Variants in TRHDE observed in about 807,000 individuals in gnomAD.
TRHDE encodes thyrotropin releasing hormone degrading enzyme.
Under a neutral mutation model 125.7 loss-of-function variants are expected in TRHDE, and 72 were observed. The ratio of observed to expected loss-of-function variants is 0.57; its 90% confidence interval spans 0.47 to 0.70. The LOEUF (loss-of-function observed/expected upper bound fraction) is 0.70. Among genes scored for constraint, TRHDE ranks in the 30% least tolerant of loss-of-function variants. The pLI is 0.00. For synonymous variants in TRHDE, 509 were observed against 509.1 expected (o/e 1.00, Z 0.00); for missense variants, 1,110 against 1,327.1 (o/e 0.84, Z 2.54).
intron 1 of TRHDE, among the ~76,000 whole-genome samples, chr12:72,102,343 A>G (rs1212049180): frequency 6.6e-6 from 1 of 152,178 alleles, no homozygotes; most frequent in Non-Finnish European, 1.5e-5. Context: ...GTTCAGTCAT[A>G]CAAAGACTCT....
chr12:72,523,771 A>T (rs1025367298), intron 6 of TRHDE, among the ~76,000 whole-genome samples: 1 of 152,144 alleles, frequency 6.6e-6, no homozygotes, highest in African/African-American at 2.4e-5. Flanking sequence ...TCTTGACATA[A>T]AAACTTGGGC....
Position 72,663,047 on chromosome 12 carries a change from T to C in TRHDE, c.3067-5T>C. On this transcript the variant is annotated splice_region_variant and splice_polypyrimidine_tract_variant and intron_variant, in intron 18 of 18. Transcript: ENST00000261180. ...GATTTACCATTTAAAAATTTCTCTT[T>C]CCAGCTCAAGAACTTCATGAAAAAC... 1 of 1,602,902 alleles carries C rather than the reference T, an allele frequency of 6.2e-7. No homozygotes were observed. Among genetic ancestry groups the C allele is most frequent in the Non-Finnish European group, 8.5e-7 (1 of 1,175,400 alleles).
intron 2 of TRHDE, among the ~76,000 whole-genome samples, chr12:72,363,695 C>T (rs1871220294): frequency 6.6e-6 from 1 of 152,060 alleles, no homozygotes; most frequent in Admixed American, 6.6e-5. Context: ...GAAGCATTCC[C>T]TTTGAAAAGT....
chr12:72,457,487 C>T (rs1028546899), intron 3 of TRHDE, among the ~76,000 whole-genome samples: 5 of 151,820 alleles, frequency 3.3e-5, no homozygotes, highest in Non-Finnish European at 7.4e-5. Context: ...GTTTAGATGC[C>T]AGTTAATATT....
At chr12:72,429,635 C>T (rs1373899287) in intron 3 of TRHDE, among the ~76,000 whole-genome samples, 1 of 152,002 alleles carries the variant, frequency 6.6e-6, no homozygotes, top group Non-Finnish European at 1.5e-5. Context: ...GACCATTCTA[C>T]ATTCCAGCCA....
intron 14 of TRHDE, chr12:72,621,418 T>A: frequency 1.7e-6 from 1 of 579,406 alleles, no homozygotes; most frequent in Non-Finnish European, 3.0e-6. Context: ...TAATTTAAGA[T>A]CTACCTTTAT....
At chr12:72,221,539 G>A (rs886750876) in intron 2 of TRHDE, among the ~76,000 whole-genome samples, 3 of 152,024 alleles carry the variant, frequency 2.0e-5, no homozygotes, top group Non-Finnish European at 4.4e-5. Flanking sequence ...TTAAAATGTA[G>A]TATACAGCTA....
intron 3 of TRHDE, among the ~76,000 whole-genome samples, chr12:72,388,066 A>T (rs532402935): frequency 6.9e-6 from 1 of 143,924 alleles, no homozygotes; most frequent in Non-Finnish European, 1.5e-5. Context: ...TTTCCCTCCT[A>T]CTCCTCTCTG....
chr12:72,246,895 C>T (rs1878585311), intron 2 of TRHDE, among the ~76,000 whole-genome samples: 1 of 152,182 alleles, frequency 6.6e-6, no homozygotes, highest in South Asian at 2.1e-4. Context: ...AGTTCTTTTA[C>T]TCTCTGACAC....
intron 3 of TRHDE, among the ~76,000 whole-genome samples, chr12:72,424,630 A>G (rs1185999815): frequency 6.6e-6 from 1 of 152,148 alleles, no homozygotes; most frequent in Non-Finnish European, 1.5e-5. Context: ...ATGCTGTCTC[A>G]TCTCTGAAGT....
intron 3 of TRHDE, among the ~76,000 whole-genome samples, chr12:72,413,815 A>C (rs974784091): frequency 6.6e-6 from 1 of 152,088 alleles, no homozygotes; most frequent in African/African-American, 2.4e-5. Context: ...GCCTTGCTGT[A>C]GTACAAATTT....
intron 3 of TRHDE, among the ~76,000 whole-genome samples, chr12:72,423,815 G>C (rs1457942643): frequency 6.6e-6 from 1 of 152,056 alleles, no homozygotes; most frequent in African/African-American, 2.4e-5. Flanking sequence ...GGAAGCAGAA[G>C]AGGAATCAGA....
chr12:72,466,062 T>C (rs1302002944), intron 3 of TRHDE, among the ~76,000 whole-genome samples: 1 of 152,172 alleles, frequency 6.6e-6, no homozygotes. Flanking sequence ...GGCCTGACTT[T>C]TGTGACCTCA....
chr12:72,156,344 G>A (rs530937986), intron 2 of TRHDE, among the ~76,000 whole-genome samples: 21 of 152,290 alleles, frequency 1.4e-4, no homozygotes, highest in Admixed American at 7.8e-4. Flanking sequence ...TGCGCTTCCC[G>A]GATGAGGTGA....
At chr12:72,335,428 TG>T (rs1471636527) in intron 2 of TRHDE, among the ~76,000 whole-genome samples, 2 of 152,188 alleles carry the variant, frequency 1.3e-5, no homozygotes, top group Non-Finnish European at 2.9e-5. Flanking sequence ...TTTTCTGTGG[TG>T]GGCCAGAAAG....
chr12:72,324,985 G>A (rs532153555), intron 2 of TRHDE, among the ~76,000 whole-genome samples: 24 of 152,112 alleles, frequency 1.6e-4, no homozygotes, highest in African/African-American at 3.9e-4. Context: ...TTGTACTTCC[G>A]GAGTGTCAAT....
At chr12:72,545,168 A>G (rs1802948444) in intron 7 of TRHDE, among the ~76,000 whole-genome samples, 1 of 151,432 alleles carries the variant, frequency 6.6e-6, no homozygotes, top group Non-Finnish European at 1.5e-5. Context: ...CTGTGGTTAG[A>G]TTATGTGTCA....
chr12:72,427,034 A>G (rs375509941), intron 3 of TRHDE, among the ~76,000 whole-genome samples: 1 of 152,228 alleles, frequency 6.6e-6, no homozygotes, highest in African/African-American at 2.4e-5. Context: ...TCTAAAACAA[A>G]TTCTGGCAAA....
rs544135202 is a variant in TRHDE at position 72,415,534 on chromosome 12, C to T, written c.1315+37413C>T. ...ATCTCCTCTTCCTCCTTTCTGCTCC[C>T]CCTCCCCACTACCCTTCTCAGCCCC... is the stretch of plus-strand genomic sequence containing the variant. On this transcript the variant is annotated intron_variant, in intron 3 of 18. Transcript: ENST00000261180. Among the ~76,000 whole-genome samples, 3 of 151,924 alleles carry T rather than the reference C, an allele frequency of 2.0e-5. No individual in the cohort carries two copies. The East Asian group carries it at 5.8e-4, about 29-fold the overall frequency.
Sources: allele counts gnomAD v4.1 joint callset (sites outside exome capture counted in the v4.1 genomes callset), GRCh38; gene constraint gnomAD v4.1.1; transcripts MANE v1.5; gene names NCBI Gene and HGNC (gene_info 2026-07-23, HGNC 2026-07-21).